KALRN: variants seen among roughly 807,000 people sequenced by gnomAD.
KALRN encodes the protein kalirin RhoGEF kinase.
KALRN carries 70 observed loss-of-function variants against 353.7 expected under a neutral mutation model. The ratio of observed to expected loss-of-function variants is 0.20; its 90% confidence interval spans 0.16 to 0.24. The LOEUF is 0.24. Among genes scored for constraint, KALRN ranks in the 10% least tolerant of loss-of-function variants. The pLI, the probability that KALRN is intolerant of heterozygous loss-of-function variation, is 1.00. For missense variants in KALRN, 2,791 were observed against 3,756.7 expected (o/e 0.74, Z 6.72); for synonymous variants, 1,391 against 1,434.8 (o/e 0.97, Z 0.69).
chr3:124,111,080 A>G (rs1433038187), intron 1 of KALRN, among the ~76,000 whole-genome samples: 4 of 152,126 alleles, frequency 2.6e-5, no homozygotes, highest in Admixed American at 2.6e-4. Context: ...TAGCTCTTTA[A>G]TGCTTTTGAG....
rs1281306552 is a variant in KALRN, at chr3:124,084,051, A to G, written c.73+50238A>G. 5.9e-5 allele frequency among the ~76,000 whole-genome samples: 9 copies of G among 152,336 alleles called. No individual in the cohort carries two copies. The South Asian group carries it at 1.0e-3, about 18-fold the overall frequency. On this transcript the variant is annotated intron_variant, in intron 1 of 59. Transcript: ENST00000682506. ...ATCACATTTTCCACAGTAGATTCCC[A>G]TCCCTAAATGGGGAGAAGGAGAAAG...
At chr3:124,439,153 CTCTT>C (rs1356197258) in intron 18 of KALRN, 116 bp downstream of exon 18, 21 of 940,352 alleles carry the variant, frequency 2.2e-5, no homozygotes, top group Non-Finnish European at 2.5e-5. Context: ...CTCTTTCTCT[CTCTT>C]TCTCTTTCTC....
intron 33 of KALRN, among the ~76,000 whole-genome samples, chr3:124,513,337 A>G (rs1357703981): frequency 2.6e-5 from 4 of 152,176 alleles, no homozygotes; most frequent in African/African-American, 9.7e-5. Flanking sequence ...GGGAGAGAGA[A>G]GCAGACGTGT....
chr3:124,157,600 G>C (rs572429872), intron 1 of KALRN, among the ~76,000 whole-genome samples: 18 of 152,202 alleles, frequency 1.2e-4, no homozygotes, highest in Non-Finnish European at 2.4e-4. Flanking sequence ...CACGCAGAGG[G>C]AGTTTAGTTT....
intron 10 of KALRN, among the ~76,000 whole-genome samples, chr3:124,370,639 G>A (rs1350584463): frequency 6.6e-6 from 1 of 152,166 alleles, no homozygotes; most frequent in Non-Finnish European, 1.5e-5. Flanking sequence ...TACTGGTAAA[G>A]CTATGTTTCA....
intron 6 of KALRN, among the ~76,000 whole-genome samples, chr3:124,299,297 T>A (rs771412690): frequency 6.6e-6 from 1 of 152,070 alleles, no homozygotes. Flanking sequence ...TTGGAAATGG[T>A]TGAGTGACCC....
intron 44 of KALRN, 41 bp downstream of exon 44, chr3:124,661,014 A>G: frequency 2.1e-6 from 3 of 1,423,902 alleles, no homozygotes; most frequent in African/African-American, 1.4e-5. Context: ...CTTAGGGACC[A>G]TATTGGATAT....
chr3:124,490,585 A>C (rs2289842), intron 29 of KALRN, 109 bp from the exon 30 acceptor site: 62,736 of 948,910 alleles, frequency 0.066, 2,815 homozygotes, highest in East Asian at 0.2. Flanking sequence ...ACCCTTCAGT[A>C]ACTGAAGACT....
intron 8 of KALRN, among the ~76,000 whole-genome samples, chr3:124,330,244 T>A (rs62262828): frequency 2.1e-5 from 2 of 96,170 alleles, no homozygotes; most frequent in Non-Finnish European, 4.1e-5. Flanking sequence ...TCTCTCTCTC[T>A]CTCACACACA....
At chr3:124,608,768 G>A (rs2077624451) in intron 34 of KALRN, among the ~76,000 whole-genome samples, 1 of 152,218 alleles carries the variant, frequency 6.6e-6, no homozygotes, top group Admixed American at 6.5e-5. Context: ...GAAAGTGCTG[G>A]TAAGGATAAT....
At chr3:124,591,461 C>T (rs2075765901) in intron 34 of KALRN, among the ~76,000 whole-genome samples, 1 of 152,164 alleles carries the variant, frequency 6.6e-6, no homozygotes, top group African/African-American at 2.4e-5. Flanking sequence ...TTGAAGCTTA[C>T]CCTTTCACAG....
At chr3:124,143,561 T>A (rs80250068) in intron 1 of KALRN, among the ~76,000 whole-genome samples, 4,721 of 152,216 alleles carry the variant, frequency 0.031, 232 homozygotes, top group African/African-American at 0.11. Context: ...TTGTAAGAAT[T>A]GCATGAAGAA....
chr3:124,485,400 C>T (rs2062445900), intron 28 of KALRN, among the ~76,000 whole-genome samples: 1 of 152,104 alleles, frequency 6.6e-6, no homozygotes, highest in Admixed American at 6.5e-5. Flanking sequence ...GTGGCATAGA[C>T]AAGGGAGAGA....
At chr3:124,627,527 G>A (rs538562605) in intron 34 of KALRN, among the ~76,000 whole-genome samples, 3 of 152,314 alleles carry the variant, frequency 2.0e-5, no homozygotes, top group East Asian at 1.9e-4. Flanking sequence ...CATCTGTCTC[G>A]CCTGGTAACG....
chr3:124,296,710 A>T (rs1473367344), intron 5 of KALRN, among the ~76,000 whole-genome samples: 1 of 152,136 alleles, frequency 6.6e-6, no homozygotes, highest in Admixed American at 6.5e-5. Flanking sequence ...CCCCAGCCAC[A>T]CTTCCTCCTT....
chr3:124,305,903 T>A (rs914281641), intron 6 of KALRN, among the ~76,000 whole-genome samples: 25 of 150,332 alleles, frequency 1.7e-4, no homozygotes, highest in African/African-American at 6.1e-4. Context: ...AGAAAAAAAA[T>A]AAAAAACAGT....
intron 1 of KALRN, among the ~76,000 whole-genome samples, chr3:124,195,553 T>C (rs540719851): frequency 6.6e-6 from 1 of 152,238 alleles, no homozygotes; most frequent in African/African-American, 2.4e-5. Flanking sequence ...TCAAGGGCCA[T>C]GTAGAATCAC....
intron 34 of KALRN, among the ~76,000 whole-genome samples, chr3:124,602,647 G>T (rs2149466181): frequency 6.6e-6 from 1 of 152,314 alleles, no homozygotes; most frequent in Admixed American, 6.5e-5. Context: ...ACACAGGGCT[G>T]GGTCTTAAAG....
At chr3:124,424,951 A>G (rs1171673304) in intron 15 of KALRN, among the ~76,000 whole-genome samples, 4 of 152,186 alleles carry the variant, frequency 2.6e-5, no homozygotes, top group African/African-American at 4.8e-5. Context: ...AAGGTCCTAC[A>G]GTTTGCCTCT....
Sources: allele counts gnomAD v4.1 joint callset (sites outside exome capture counted in the v4.1 genomes callset), GRCh38; gene constraint gnomAD v4.1.1; transcripts MANE v1.5; gene names NCBI Gene and HGNC (gene_info 2026-07-23, HGNC 2026-07-21).